PDE4D: variants seen among roughly 807,000 people sequenced by gnomAD.
PDE4D encodes the protein phosphodiesterase 4D, also known as 3',5'-cyclic-AMP phosphodiesterase 4D.
Under a neutral mutation model 87.4 loss-of-function variants are expected in PDE4D, and 24 were observed. That is an observed-to-expected ratio of 0.27 (90% CI 0.20 to 0.39). PDE4D has a LOEUF of 0.39. Ranked by LOEUF, PDE4D falls within the 10% of genes least tolerant of loss-of-function variation. PDE4D has a pLI of 1.00. For missense variants in PDE4D, 714 were observed against 1,041.0 expected (o/e 0.69, Z 4.32); for synonymous variants, 384 against 383.2 (o/e 1.00, Z -0.02).
At chr5:60,383,917 C>A (rs1035341029) in intron 1 of PDE4D, among the ~76,000 whole-genome samples, 1 of 152,126 alleles carries the variant, frequency 6.6e-6, no homozygotes, top group South Asian at 2.1e-4. Flanking sequence ...CACAGAGAAG[C>A]ACAGTACCTA....
intron 1 of PDE4D, chr5:60,448,724 C>T (rs1244155231): frequency 1.3e-5 from 2 of 152,098 alleles, no homozygotes; most frequent in East Asian, 3.9e-4. Context: ...TCAGTTTCTA[C>T]CAAGAATACA....
intron 1 of PDE4D, among the ~76,000 whole-genome samples, chr5:60,319,127 A>C (rs1001742280): frequency 6.6e-6 from 1 of 152,204 alleles, no homozygotes; most frequent in African/African-American, 2.4e-5. Flanking sequence ...TACACCAATC[A>C]GACATAGATT....
chr5:60,405,833 A>G (rs967250283), intron 1 of PDE4D, among the ~76,000 whole-genome samples: 3 of 152,238 alleles, frequency 2.0e-5, no homozygotes, highest in Non-Finnish European at 4.4e-5. Context: ...GAAGTTAAGT[A>G]TCTTGCTCAA....
chr5:59,696,280 T>TATAACTGC (rs1339577277), intron 1 of PDE4D, among the ~76,000 whole-genome samples: 1 of 152,208 alleles, frequency 6.6e-6, no homozygotes, highest in African/African-American at 2.4e-5. Context: ...AGTCTTAGTG[T>TATAACTGC]ATAACTGCCA....
intron 1 of PDE4D, among the ~76,000 whole-genome samples, chr5:60,224,122 T>C (rs900208370): frequency 6.6e-6 from 1 of 152,098 alleles, no homozygotes; most frequent in Non-Finnish European, 1.5e-5. Context: ...GTTTTCCTGT[T>C]CAAACTTAAA....
intron 1 of PDE4D, among the ~76,000 whole-genome samples, chr5:59,709,304 G>A (rs548521133): frequency 6.6e-5 from 10 of 152,124 alleles, no homozygotes; most frequent in Admixed American, 2.0e-4. Flanking sequence ...CAAAAGAATC[G>A]CACCCCCTTA....
intron 3 of PDE4D, among the ~76,000 whole-genome samples, chr5:59,981,443 A>G (rs1293068495): frequency 6.6e-6 from 1 of 152,110 alleles, no homozygotes; most frequent in Admixed American, 6.5e-5. Flanking sequence ...AAAAGAATCC[A>G]ATTTTGTCTG....
rs149106639 is a variant in PDE4D, at chr5:59,653,009, T to C, written c.455+240159A>G. On this transcript the variant is annotated intron_variant, in intron 1 of 14. Coordinates refer to ENST00000340635, the MANE Select transcript of PDE4D (RefSeq NM_001104631.2). ...AAACAAATCCATTGATATTTAATAA[T>C]AGTAATTAAAATTTAAGTGTCACAT... is the stretch of plus-strand genomic sequence containing the variant. Among the ~76,000 whole-genome samples, 523 of 152,184 alleles carry C rather than the reference T, an allele frequency of 3.4e-3. 5 individuals carry two copies. Among genetic ancestry groups the C allele is most frequent in the African/African-American group, 0.012 (506 of 41,530 alleles).
intron 1 of PDE4D, among the ~76,000 whole-genome samples, chr5:59,807,680 G>A (rs1425622824): frequency 6.6e-6 from 1 of 152,198 alleles, no homozygotes; most frequent in African/African-American, 2.4e-5. Flanking sequence ...TTAACACTGA[G>A]GGAGCAGATA....
intron 1 of PDE4D, among the ~76,000 whole-genome samples, chr5:60,356,323 G>C (rs1759617770): frequency 6.6e-6 from 1 of 152,164 alleles, no homozygotes; most frequent in African/African-American, 2.4e-5. Context: ...TTATCAAGAT[G>C]AAAATGTAGC....
At chr5:60,036,853 G>C (rs1407782249) in intron 2 of PDE4D, among the ~76,000 whole-genome samples, 1 of 152,174 alleles carries the variant, frequency 6.6e-6, no homozygotes, top group Admixed American at 6.5e-5. Context: ...GGACTAAACT[G>C]TGCTTTGTCT....
intron 1 of PDE4D, among the ~76,000 whole-genome samples, chr5:59,231,531 A>C (rs953933044): frequency 8.5e-5 from 13 of 152,240 alleles, no homozygotes; most frequent in African/African-American, 3.1e-4. Context: ...GACTGAGAGC[A>C]AGGAGAGCTG....
At position 60,158,458 on chromosome 5, in the gene PDE4D, C is replaced by T. The variant is rs2149456664; in HGVS notation, c.42+27099G>A. 1.3e-5 allele frequency among the ~76,000 whole-genome samples: 2 copies of T among 152,322 alleles called. 1 individual carries two copies. The highest frequency in any genetic ancestry group is 4.1e-4 in the South Asian group (2 of 4,828). ...ATGGAGGCTACAAGATTGGAAGTTG[C>T]TCTGGGTGAGTCAATGAGTGAGTGG... On this transcript the variant is annotated intron_variant, in intron 2 of 16. Coordinates refer to the PDE4D transcript ENST00000502484.
intron 1 of PDE4D, among the ~76,000 whole-genome samples, chr5:59,698,737 G>C (rs1201912412): frequency 2.0e-5 from 3 of 152,136 alleles, no homozygotes; most frequent in African/African-American, 4.8e-5. Context: ...TCTCTTGACA[G>C]GGATGACAGC....
At chr5:59,718,698 T>TA (rs1174968241) in intron 1 of PDE4D, among the ~76,000 whole-genome samples, 1 of 151,956 alleles carries the variant, frequency 6.6e-6, no homozygotes, top group African/African-American at 2.4e-5. Context: ...TGTGCTCAAC[T>TA]AAAAAAAATT....
intron 5 of PDE4D, among the ~76,000 whole-genome samples, chr5:59,049,992 G>A (rs1359640506): frequency 6.6e-6 from 1 of 152,180 alleles, no homozygotes. Flanking sequence ...AGCCGGGCAT[G>A]GTGGCTCATG....
intron 1 of PDE4D, among the ~76,000 whole-genome samples, chr5:59,392,600 T>C (rs534445911): frequency 2.6e-5 from 4 of 152,048 alleles, no homozygotes; most frequent in South Asian, 2.1e-4. Flanking sequence ...AAAAGTCTAA[T>C]TTCTGTGTTC....
chr5:60,189,973 G>GCGTAAAGTAGA (rs1481700620), intron 1 of PDE4D, among the ~76,000 whole-genome samples: 35 of 110,774 alleles, frequency 3.2e-4, no homozygotes, highest in Non-Finnish European at 1.3e-4. Flanking sequence ...TTCTAGGGTT[G>GCGTAAAGTAGA]CATAAATGAA....
chr5:59,738,622 GT>G (rs1247469549), intron 1 of PDE4D, among the ~76,000 whole-genome samples: 1 of 151,922 alleles, frequency 6.6e-6, no homozygotes, highest in Non-Finnish European at 1.5e-5. Context: ...TACCTTTAGT[GT>G]TGTATGGTTT....
Sources: gnomAD v4.1 joint callset for allele counts (sites outside exome capture counted in the v4.1 genomes callset) on GRCh38, gnomAD v4.1.1 for gene constraint, MANE v1.5 for transcripts, NCBI Gene and HGNC (gene_info 2026-07-23, HGNC 2026-07-21) for gene names.